The following MYRIP variants were observed in gnomAD, a reference collection of about 807,000 sequenced individuals.
MYRIP encodes the protein rab effector MyRIP.
Under a neutral mutation model 98.0 loss-of-function variants are expected in MYRIP, and 49 were observed. That is an observed-to-expected ratio of 0.50 (90% confidence interval 0.40 to 0.63). MYRIP has a LOEUF of 0.63. Among genes scored for constraint, MYRIP ranks in the 30% least tolerant of loss-of-function variants. The pLI, the probability that MYRIP is intolerant of heterozygous loss-of-function variation, is 0.00. For synonymous variants in MYRIP, 404 were observed against 409.5 expected, an observed-to-expected ratio of 0.99 and a Z score of 0.16; for missense variants, 1,004 against 1,058.2, an observed-to-expected ratio of 0.95 and a Z score of 0.71.
chr3:40,136,468 A>C (rs1193375062), intron 3 of MYRIP, among the ~76,000 whole-genome samples: 1 of 152,238 alleles, frequency 6.6e-6, no homozygotes, highest in African/African-American at 2.4e-5. Flanking sequence ...AACATTAGAC[A>C]CATCAGTGAG....
chr3:40,260,079 T>C lies in MYRIP; in HGVS notation c.*1913T>C, dbSNP rs1953717478. On this transcript the variant is annotated 3_prime_UTR_variant, in exon 17 of 17. Transcript: ENST00000302541. ...AGATTTAATTTACTATTAAAAACCA[T>C]AAGCATATGTTATAGTTCCAGAAGA... 1 of 152,658 alleles carries C rather than the reference T, an allele frequency of 6.6e-6. No homozygotes were observed. The highest frequency in any genetic ancestry group is 1.5e-5 in the Non-Finnish European group (1 of 68,028). 9.5% of individuals were successfully genotyped at this position (152,658 alleles called of 1,614,324 possible).
At chr3:40,094,551 G>T (rs1248429288) in intron 3 of MYRIP, among the ~76,000 whole-genome samples, 3 of 152,178 alleles carry the variant, frequency 2.0e-5, no homozygotes, top group East Asian at 1.9e-4. Flanking sequence ...GTGCCCAGGG[G>T]TCCCTAAGGG....
chr3:40,085,110 AAT>A (rs1259717786), intron 3 of MYRIP, among the ~76,000 whole-genome samples: 3 of 149,154 alleles, frequency 2.0e-5, no homozygotes, highest in African/African-American at 7.4e-5. Context: ...ATCCACAGAT[AAT>A]ATGTGTCTAT....
In MYRIP at chr3:40,190,155, T is replaced by C; in HGVS notation, c.1357T>C (p.Ser453Pro). ...CTCCCCCAACCCTGAGGCCATGTGC[T>C]CTGACTCGGAGACCTCCTCCGCAGG... ...ALSPNPEAMCSDSETSSAGSS... is the reference protein window; with the variant it reads ...ALSPNPEAMCPDSETSSAGSS... Residue 453 changes from serine to proline, a missense_variant, in exon 10 of 17, where the codon TCT becomes CCT. Transcript: ENST00000302541. The C allele has an allele frequency of 6.2e-7, 1 of 1,614,048 alleles. No individual in the cohort carries two copies. The highest frequency in any genetic ancestry group is 8.5e-7 in the Non-Finnish European group (1 of 1,179,974).
intron 1 of MYRIP, among the ~76,000 whole-genome samples, chr3:39,893,841 G>A (rs1176478347): frequency 6.6e-5 from 10 of 151,748 alleles, no homozygotes; most frequent in Admixed American, 6.6e-4. Flanking sequence ...ATAGCAGTAT[G>A]GTATTCTATC....
intron 3 of MYRIP, among the ~76,000 whole-genome samples, chr3:40,132,395 A>G (rs1187709554): frequency 1.3e-5 from 2 of 148,378 alleles, no homozygotes; most frequent in African/African-American, 5.0e-5. Flanking sequence ...GCTGTGAAAC[A>G]AAAGACACTC....
chr3:40,015,599 G>C (rs911955355), intron 2 of MYRIP, among the ~76,000 whole-genome samples: 1 of 152,208 alleles, frequency 6.6e-6, no homozygotes, highest in Non-Finnish European at 1.5e-5. Flanking sequence ...CACAAGGGTT[G>C]GGTGCCACAG....
chr3:39,944,497 GA>G (rs1944856727), intron 2 of MYRIP, among the ~76,000 whole-genome samples: 1 of 152,094 alleles, frequency 6.6e-6, no homozygotes, highest in Non-Finnish European at 1.5e-5. Flanking sequence ...GAAAGGGAGA[GA>G]GGGGAGGAGA....
At chr3:40,195,459 ATTTCTT>A (rs1048201523) in intron 10 of MYRIP, among the ~76,000 whole-genome samples, 1 of 151,860 alleles carries the variant, frequency 6.6e-6, no homozygotes, top group Non-Finnish European at 1.5e-5. Flanking sequence ...TGCCCAGCTA[ATTTCTT>A]TTTATTTTTC....
At chr3:39,893,204 A>C (rs1559512658) in intron 1 of MYRIP, among the ~76,000 whole-genome samples, 1 of 152,058 alleles carries the variant, frequency 6.6e-6, no homozygotes, top group African/African-American at 2.4e-5. Context: ...GGATTTACCC[A>C]CCTTTGCATT....
chr3:39,832,698 G>A (rs1428214881), intron 1 of MYRIP, among the ~76,000 whole-genome samples: 1 of 152,140 alleles, frequency 6.6e-6, no homozygotes, highest in Non-Finnish European at 1.5e-5. Flanking sequence ...GTAAAGCAGT[G>A]CCCCCAATGA....
chr3:40,162,067 T>A (rs997503371), intron 4 of MYRIP, among the ~76,000 whole-genome samples: 3 of 152,162 alleles, frequency 2.0e-5, no homozygotes, highest in African/African-American at 7.2e-5. Context: ...TTCCTGTGCC[T>A]TGTATGTTCT....
intron 2 of MYRIP, among the ~76,000 whole-genome samples, chr3:39,978,919 T>C (rs918581711): frequency 3.9e-5 from 6 of 152,170 alleles, no homozygotes; most frequent in Non-Finnish European, 4.4e-5. Context: ...CAACATGATA[T>C]TTGATGCAAG....
At chr3:40,062,800 A>C (rs1948046466) in intron 3 of MYRIP, among the ~76,000 whole-genome samples, 1 of 152,176 alleles carries the variant, frequency 6.6e-6, no homozygotes, top group South Asian at 2.1e-4. Context: ...TGATCACTTC[A>C]CTGAGTTATT....
At chr3:40,097,941 G>C (rs17075717) in intron 3 of MYRIP, among the ~76,000 whole-genome samples, 35,866 of 152,192 alleles carry the variant, frequency 0.24, 4,568 homozygotes, top group East Asian at 0.36. Flanking sequence ...AAGAGTGTTA[G>C]AGAGAGCTGG....
At chr3:39,930,262 T>C (rs1402730623) in intron 2 of MYRIP, among the ~76,000 whole-genome samples, 2 of 152,178 alleles carry the variant, frequency 1.3e-5, no homozygotes, top group Admixed American at 1.3e-4. Flanking sequence ...GGGTATATCA[T>C]TGTGGTTTTG....
chr3:40,134,060 C>T (rs551688494), intron 3 of MYRIP, among the ~76,000 whole-genome samples: 7 of 152,238 alleles, frequency 4.6e-5, no homozygotes, highest in Non-Finnish European at 8.8e-5. Context: ...TGCAGTGCAC[C>T]CTGCGTGAGC....
chr3:39,895,675 A>T (rs549931403), intron 1 of MYRIP, among the ~76,000 whole-genome samples: 1 of 152,358 alleles, frequency 6.6e-6, no homozygotes, highest in African/African-American at 2.4e-5. Flanking sequence ...TGACAAATTA[A>T]TCAATAAGAA....
intron 2 of MYRIP, among the ~76,000 whole-genome samples, chr3:39,910,931 T>G (rs566146760): frequency 6.6e-6 from 1 of 152,310 alleles, no homozygotes; most frequent in South Asian, 2.1e-4. Context: ...AGCTAATTAG[T>G]CAGATATTGG....
Sources: gnomAD v4.1 joint callset for allele counts (sites outside exome capture counted in the v4.1 genomes callset) on GRCh38, gnomAD v4.1.1 for gene constraint, MANE v1.5 for transcripts, NCBI Gene and HGNC (gene_info 2026-07-23, HGNC 2026-07-21) for gene names.